Variants in SENP6 observed in about 807,000 individuals in gnomAD.
SENP6 encodes sentrin-specific protease 6.
SENP6 carries 41 observed loss-of-function variants against 134.5 expected under a neutral mutation model. The ratio of observed to expected loss-of-function variants is 0.30; its 90% CI spans 0.24 to 0.40. SENP6 has a LOEUF of 0.40. Among genes scored for constraint, SENP6 ranks in the 10% least tolerant of loss-of-function variants. The pLI, the probability that SENP6 is intolerant of heterozygous loss-of-function variation, is 1.00. For missense variants in SENP6, 1,248 were observed against 1,312.5 expected, an observed-to-expected ratio of 0.95 and a Z score of 0.76; for synonymous variants, 395 against 429.8, an observed-to-expected ratio of 0.92 and a Z score of 1.00.
At chr6:75,675,551 C>A in intron 12 of SENP6, 83 bp downstream of exon 12, 1 of 855,584 alleles carries the variant, frequency 1.2e-6, no homozygotes, top group Non-Finnish European at 1.8e-6. Flanking sequence ...AAATAATATT[C>A]ATAGAATTTA....
At chr6:75,606,151 T>C (rs1767011477) in intron 1 of SENP6, among the ~76,000 whole-genome samples, 1 of 152,266 alleles carries the variant, frequency 6.6e-6, no homozygotes, top group Non-Finnish European at 1.5e-5. Flanking sequence ...TTTGACATTT[T>C]TGCTCTGAAG....
At chr6:75,603,900 GCTT>G (rs995341082) in intron 1 of SENP6, among the ~76,000 whole-genome samples, 8 of 152,194 alleles carry the variant, frequency 5.3e-5, no homozygotes, top group Admixed American at 2.6e-4. Flanking sequence ...AGTAAGAAAA[GCTT>G]CTGAGTTTTT....
At chr6:75,615,251 G>A (rs1039803852) in intron 1 of SENP6, among the ~76,000 whole-genome samples, 1 of 152,052 alleles carries the variant, frequency 6.6e-6, no homozygotes, top group African/African-American at 2.4e-5. Context: ...CATGATCTCA[G>A]CTCACTCAAC....
At chr6:75,628,496 G>GT (rs947262512) in intron 3 of SENP6, among the ~76,000 whole-genome samples, 4 of 151,998 alleles carry the variant, frequency 2.6e-5, no homozygotes, top group African/African-American at 9.7e-5. Context: ...GAGGCTGATG[G>GT]TTTCCCTTTT....
intron 19 of SENP6, among the ~76,000 whole-genome samples, chr6:75,706,921 T>G (rs957947569): frequency 1.3e-5 from 2 of 152,330 alleles, no homozygotes; most frequent in East Asian, 3.9e-4. Flanking sequence ...CTTGCCATGG[T>G]GCATGAAAAA....
chr6:75,603,763 T>C (rs1766816060), intron 1 of SENP6, among the ~76,000 whole-genome samples: 1 of 152,072 alleles, frequency 6.6e-6, no homozygotes, highest in Non-Finnish European at 1.5e-5. Flanking sequence ...GAAAGAATAG[T>C]GAATAATAGA....
chr6:75,672,647 TA>T (rs1772764960), intron 11 of SENP6, among the ~76,000 whole-genome samples: 1 of 152,194 alleles, frequency 6.6e-6, no homozygotes. Context: ...TTCTTGAACA[TA>T]ACTTCCTTAT....
intron 6 of SENP6, among the ~76,000 whole-genome samples, chr6:75,643,712 G>A (rs534485335): frequency 2.0e-4 from 30 of 152,096 alleles, no homozygotes; most frequent in African/African-American, 6.7e-4. Context: ...ACAGCAAGGC[G>A]CCATCTCAAA....
chr6:75,662,053 A>AAAAT (rs370813391), intron 8 of SENP6, among the ~76,000 whole-genome samples: 3,287 of 151,874 alleles, frequency 0.022, 116 homozygotes, highest in African/African-American at 0.073. Flanking sequence ...TCTCCTTCTC[A>AAAAT]AAATAAATAA....
chr6:75,674,193 G>A (rs1226099697), intron 11 of SENP6, among the ~76,000 whole-genome samples: 1 of 119,932 alleles, frequency 8.3e-6, no homozygotes, highest in East Asian at 2.3e-4. Context: ...GTCTCTCTTC[G>A]TTGCTCAGGC....
intron 1 of SENP6, among the ~76,000 whole-genome samples, chr6:75,608,180 G>A (rs1014172359): frequency 3.3e-5 from 5 of 152,160 alleles, no homozygotes; most frequent in Non-Finnish European, 7.3e-5. Context: ...TTCAGGCAAA[G>A]TTTAGTGGGT....
intron 19 of SENP6, among the ~76,000 whole-genome samples, chr6:75,705,925 C>CTTTTTTTTTTT (rs71544062): frequency 2.1e-5 from 1 of 47,942 alleles, no homozygotes; most frequent in Non-Finnish European, 3.5e-5. Context: ...ATTTTTGAGC[C>CTTTTTTTTTTT]TTTTTTTTTT....
At position 75,656,329 on chromosome 6, in the gene SENP6, T is replaced by C. The variant is rs907856322; in HGVS notation, c.551-2933T>C. On this transcript the variant is annotated intron_variant, in intron 7 of 23. Transcript: ENST00000447266. ...TAAATACTCTTTATTCTCTTTCTCA[T>C]CCCTGTAAGAGGGATTCAGCATAAT... Among the ~76,000 whole-genome samples, 4 of 152,030 alleles carry C rather than the reference T, an allele frequency of 2.6e-5. 1 individual carries two copies. Among genetic ancestry groups the C allele is most frequent in the South Asian group, 4.2e-4 (2 of 4,818 alleles).
At chr6:75,602,728 G>A (rs1255410018) in intron 1 of SENP6, 152 bp downstream of exon 1, 9 of 870,376 alleles carry the variant, frequency 1.0e-5, no homozygotes, top group Non-Finnish European at 1.4e-5. Flanking sequence ...AGTGTGCTGC[G>A]AGCGCACCTG....
rs1308974456 is a variant in SENP6 at position 75,633,625 on chromosome 6, C to A, written c.252C>A (p.Phe84Leu). The A allele has an allele frequency of 3.1e-6, 5 of 1,608,620 alleles. No homozygotes were observed. The highest frequency in any genetic ancestry group is 4.2e-6 in the Non-Finnish European group (5 of 1,178,224). The change falls in exon 4 of 24, where the codon TTC becomes TTA. Residue 84 changes from phenylalanine to leucine, a missense_variant. Physicochemically the swap from Phe to Leu is conservative, Grantham distance 22 (BLOSUM62 0). This residue lies in a region of SENP6 where 733 missense variants were observed against 725.4 expected (regional missense o/e 1.01). Coordinates refer to ENST00000447266, the MANE Select transcript of SENP6 (RefSeq NM_015571.4). The stretch of plus-strand genomic sequence containing the variant: ...TTGTTGCTAATAGCTCTGGTGAATT[C>A]ATCTTGAAGACATATGTAAGACGAA... ...SEIVANSSGEFILKTYVRRNK... is the reference protein window; with the variant it reads ...SEIVANSSGELILKTYVRRNK...
At chr6:75,697,370 T>G in intron 17 of SENP6, 55 bp from the exon 18 acceptor site, 1 of 1,250,912 alleles carries the variant, frequency 8.0e-7, no homozygotes, top group South Asian at 1.3e-5. Context: ...TCACTACATA[T>G]AAGCTGGAGC....
Position 75,602,565 on chromosome 6 carries a change from C to G in SENP6, c.41C>G (p.Thr14Ser). ...AGCGGCGGTAGCGCAGGGGAGATTA[C>G]TTTTCTGGAAGGTACGTCTGTTTCT... ...GKSGGSAGEI[T>S]FLEALARSES... Residue 14 changes from threonine to serine, a missense_variant, in exon 1 of 24, where the codon ACT becomes AGT. Physicochemically the swap from Thr to Ser is moderately conservative, Grantham distance 58. Around this residue, in one of 3 missense-constraint regions of SENP6, gnomAD observed 733 missense variants for 725.4 expected, o/e 1.01. Transcript: ENST00000447266. The G allele has an allele frequency of 6.4e-7, 1 of 1,551,450 alleles. No individual in the cohort carries two copies. The highest frequency in any genetic ancestry group is 8.7e-7 in the Non-Finnish European group (1 of 1,146,866).
At chr6:75,694,425 T>C (rs1445814604) in intron 16 of SENP6, among the ~76,000 whole-genome samples, 2 of 152,258 alleles carry the variant, frequency 1.3e-5, no homozygotes, top group African/African-American at 4.8e-5. Flanking sequence ...AAACAATACA[T>C]AATGATAACA....
intron 23 of SENP6, among the ~76,000 whole-genome samples, chr6:75,714,619 A>C (rs1281761832): frequency 6.6e-6 from 1 of 152,190 alleles, no homozygotes; most frequent in Non-Finnish European, 1.5e-5. Context: ...TTTACAGACC[A>C]AAATCTTTCA....
Sources: allele counts gnomAD v4.1 joint callset (sites outside exome capture counted in the v4.1 genomes callset), GRCh38; gene constraint gnomAD v4.1.1; regional missense constraint gnomAD v4.1.1; transcripts MANE v1.5; gene names NCBI Gene and HGNC (gene_info 2026-07-23, HGNC 2026-07-21).